Variants in FARS2 observed in about 807,000 individuals in gnomAD.
The protein encoded by FARS2 is phenylalanine--tRNA ligase, mitochondrial.
A neutral mutation model predicts 46.4 loss-of-function variants in FARS2; 40 were observed. That is an observed-to-expected ratio of 0.86 (90% confidence interval 0.67 to 1.12). The LOEUF is 1.12. Among genes scored for constraint, FARS2 ranks in the 50% most tolerant of loss-of-function variants. FARS2 has a pLI of 0.00. For missense variants in FARS2, 513 were observed against 567.9 expected (o/e 0.90, Z 0.98); for synonymous variants, 234 against 214.9 (o/e 1.09, Z -0.78).
upstream of FARS2, among the ~76,000 whole-genome samples, chr6:5,256,955 A>G (rs1461742750): frequency 6.6e-6 from 1 of 151,906 alleles, no homozygotes; most frequent in Admixed American, 6.6e-5. Flanking sequence ...AGTTCCAACA[A>G]TTTTCCCTTC....
At chr6:5,697,545 C>G (rs1489755741) in intron 6 of FARS2, among the ~76,000 whole-genome samples, 1 of 152,216 alleles carries the variant, frequency 6.6e-6, no homozygotes, top group Non-Finnish European at 1.5e-5. Context: ...ATGCAATACT[C>G]TTTCCACTTC....
At position 5,455,972 on chromosome 6, in the gene FARS2, T is replaced by A. The variant is rs564553974; in HGVS notation, c.904+24800T>A. On this transcript the variant is annotated intron_variant, in intron 4 of 6. Coordinates refer to ENST00000274680, the MANE Select transcript of FARS2 (RefSeq NM_006567.5). ...TAGCTTATGCCTGTAATCCCAGCACTTTGAGAGGCCAAGTCAAGCAAATTG... is the reference window on the plus strand; with the variant it reads ...TAGCTTATGCCTGTAATCCCAGCACATTGAGAGGCCAAGTCAAGCAAATTG... 6.6e-5 allele frequency among the ~76,000 whole-genome samples: 10 copies of A among 152,324 alleles called. No homozygotes were observed. In the East Asian group the frequency reaches 1.9e-3, roughly 29 times the overall value.
chr6:5,741,226 A>G (rs1464041176), intron 6 of FARS2, among the ~76,000 whole-genome samples: 1 of 152,200 alleles, frequency 6.6e-6, no homozygotes, highest in Non-Finnish European at 1.5e-5. Context: ...TCACATTTTT[A>G]GCTTTTGTTC....
chr6:5,590,787 T>C (rs903125246), intron 5 of FARS2, among the ~76,000 whole-genome samples: 6 of 152,358 alleles, frequency 3.9e-5, no homozygotes, highest in South Asian at 2.1e-4. Context: ...TCATGTCTTA[T>C]GTTATAAACA....
chr6:5,380,486 G>A (rs551484219), intron 2 of FARS2, among the ~76,000 whole-genome samples: 1 of 152,288 alleles, frequency 6.6e-6, no homozygotes, highest in South Asian at 2.1e-4. Context: ...TCTGCCTGGT[G>A]TGTATCATCG....
chr6:5,344,271 A>G (rs1358133264), intron 1 of FARS2, among the ~76,000 whole-genome samples: 1 of 152,210 alleles, frequency 6.6e-6, no homozygotes, highest in African/African-American at 2.4e-5. Context: ...CTGCAGAGGA[A>G]TAGGTTCCTG....
chr6:5,404,641 C>T lies in FARS2; in HGVS notation c.712C>T (p.Leu238Phe). 6.2e-7 allele frequency: 1 copy of T among 1,612,130 alleles called. No individual in the cohort carries two copies. The highest frequency in any genetic ancestry group is 8.5e-7 in the Non-Finnish European group (1 of 1,178,898). Residue 238 changes from leucine to phenylalanine, a missense_variant, in exon 3 of 7, where the codon CTT (leucine) becomes TTT (phenylalanine). Leu to Phe is a conservative substitution (Grantham distance 22). Transcript: ENST00000274680. ...QETHTMEAVK[L>F]VEFDLKQTLT... ...GACACACACCATGGAGGCCGTGAAG[C>T]TTGTAGAGTTTGATCTTAAGCAAAC...
chr6:5,661,895 G>C (rs945890067), intron 6 of FARS2, among the ~76,000 whole-genome samples: 1 of 152,140 alleles, frequency 6.6e-6, no homozygotes, highest in Admixed American at 6.6e-5. Context: ...AGTAGAGTAG[G>C]AGAGGTAACT....
At chr6:5,554,453 A>G (rs938864820) in intron 5 of FARS2, among the ~76,000 whole-genome samples, 3 of 152,176 alleles carry the variant, frequency 2.0e-5, no homozygotes, top group Non-Finnish European at 4.4e-5. Flanking sequence ...TCTGGGTCAG[A>G]GTTCATCCTT....
intron 1 of FARS2, among the ~76,000 whole-genome samples, chr6:5,313,771 A>G (rs557433198): frequency 6.6e-6 from 1 of 152,086 alleles, no homozygotes; most frequent in Non-Finnish European, 1.5e-5. Flanking sequence ...CTAGAGAGGT[A>G]AGTCATTGGT....
chr6:5,717,351 A>ATGTGTG (rs58875741), intron 6 of FARS2, among the ~76,000 whole-genome samples: 16,531 of 141,514 alleles, frequency 0.12, 958 homozygotes, highest in Middle Eastern at 0.13. Flanking sequence ...AGATATGTAT[A>ATGTGTG]TGTGTGTGTG....
At chr6:5,297,561 T>C (rs796407507) in intron 1 of FARS2, among the ~76,000 whole-genome samples, 7 of 152,128 alleles carry the variant, frequency 4.6e-5, no homozygotes, top group African/African-American at 1.7e-4. Context: ...GGTAGGAGAA[T>C]TGATTGAACC....
At chr6:5,682,857 T>C (rs1779104847) in intron 6 of FARS2, among the ~76,000 whole-genome samples, 1 of 151,288 alleles carries the variant, frequency 6.6e-6, no homozygotes, top group Non-Finnish European at 1.5e-5. Context: ...GGGCAGAGAG[T>C]GAAGTGAAAA....
intron 6 of FARS2, among the ~76,000 whole-genome samples, chr6:5,624,901 G>T (rs2326631): frequency 0.072 from 10,747 of 148,532 alleles, 1,188 homozygotes; most frequent in African/African-American, 0.24. Context: ...TGTGCCCTCC[G>T]TTCACAAGAT....
At chr6:5,647,576 G>A (rs1777140920) in intron 6 of FARS2, among the ~76,000 whole-genome samples, 1 of 152,198 alleles carries the variant, frequency 6.6e-6, no homozygotes, top group African/African-American at 2.4e-5. Flanking sequence ...TATCAAAATG[G>A]AAGATAGATG....
the FARS2 span, among the ~76,000 whole-genome samples, chr6:5,252,090 A>G: frequency 1.3e-5 from 2 of 152,230 alleles, no homozygotes; most frequent in Non-Finnish European, 2.9e-5. Flanking sequence ...ACTTAGGTTG[A>G]TCAGGACTTA....
At chr6:5,717,726 A>G (rs2150913162) in intron 6 of FARS2, among the ~76,000 whole-genome samples, 1 of 152,130 alleles carries the variant, frequency 6.6e-6, no homozygotes, top group South Asian at 2.1e-4. Flanking sequence ...TAAAATTCCC[A>G]CATCAGCTTT....
chr6:5,629,308 T>C (rs1776181058), intron 6 of FARS2, among the ~76,000 whole-genome samples: 1 of 152,222 alleles, frequency 6.6e-6, no homozygotes, highest in South Asian at 2.1e-4. Context: ...CGTGTCACCA[T>C]GATTTCAAAC....
chr6:5,559,036 T>C (rs1771836168), intron 5 of FARS2, among the ~76,000 whole-genome samples: 1 of 152,160 alleles, frequency 6.6e-6, no homozygotes, highest in Non-Finnish European at 1.5e-5. Flanking sequence ...CTGATAAAAA[T>C]GTAGAACTGT....
Sources: allele counts gnomAD v4.1 joint callset (sites outside exome capture counted in the v4.1 genomes callset), GRCh38; gene constraint gnomAD v4.1.1; transcripts MANE v1.5; gene names NCBI Gene and HGNC (gene_info 2026-07-23, HGNC 2026-07-21).